The following ZMPSTE24 variants were observed in gnomAD, a reference collection of about 807,000 sequenced individuals.
The protein encoded by ZMPSTE24 is zinc metallopeptidase STE24, also known as CAAX prenyl protease 1 homolog.
ZMPSTE24 carries 48 observed loss-of-function variants against 56.7 expected under a neutral mutation model. The observed-to-expected ratio is 0.85, with a 90% confidence interval of 0.67 to 1.08. The LOEUF (loss-of-function observed/expected upper bound fraction) is 1.08, where lower values mean the gene tolerates loss of function less well. ZMPSTE24 is among the 50% of genes least tolerant of loss of function. The pLI is 0.00. For synonymous variants in ZMPSTE24, 172 were observed against 195.2 expected (o/e 0.88, Z 0.99); for missense variants, 503 against 548.7 (o/e 0.92, Z 0.83).
At chr1:40,274,165 G>A (rs1643646533) in intron 6 of ZMPSTE24, among the ~76,000 whole-genome samples, 1 of 152,194 alleles carries the variant, frequency 6.6e-6, no homozygotes, top group South Asian at 2.1e-4. Flanking sequence ...GGAGGCTGAG[G>A]TGGAAGGTCA....
In ZMPSTE24 at chr1:40,281,348, A is replaced by G; in HGVS notation, c.775A>G (p.Lys259Glu). Residue 259 changes from lysine (K) to glutamate (E), a missense_variant, in exon 7 of 10, where the codon AAA (lysine) becomes GAA (glutamate). Coordinates refer to ENST00000372759, the MANE Select transcript of ZMPSTE24 (RefSeq NM_005857.5). ...TTGAACTGTCTTTTCCTTAGGATCT[A>G]AACGCTCTTCCCACAGCAATGCTTA... ...LTKVYVVEGS[K>E]RSSHSNAYFY... 1 of 1,613,930 alleles carries G rather than the reference A, an allele frequency of 6.2e-7. No individual in the cohort carries two copies. Among genetic ancestry groups the G allele is most frequent in the Non-Finnish European group, 8.5e-7 (1 of 1,179,884 alleles).
chr1:40,292,721 G>A lies in ZMPSTE24; in HGVS notation c.*52G>A. On this transcript the variant is annotated 3_prime_UTR_variant, in exon 10 of 10. Transcript: ENST00000372759. Reference sequence around the variant, plus strand: ...ATTTCTGATTATTTCTGTCCTGGCAGCATGTTCCAGCTCTTGATGTTTTTA... The same window carrying A: ...ATTTCTGATTATTTCTGTCCTGGCAACATGTTCCAGCTCTTGATGTTTTTA... 1 of 1,548,814 alleles carries A rather than the reference G, an allele frequency of 6.5e-7. No individual in the cohort carries two copies. The highest frequency in any genetic ancestry group is 8.9e-7 in the Non-Finnish European group (1 of 1,122,686).
intron 7 of ZMPSTE24, among the ~76,000 whole-genome samples, chr1:40,284,092 T>A (rs1009083450): frequency 2.7e-5 from 4 of 146,070 alleles, no homozygotes; most frequent in African/African-American, 1.0e-4. Flanking sequence ...TGCACCAGCA[T>A]GCCCAGCTAA....
At chr1:40,259,846 G>A (rs1198319676) in intron 1 of ZMPSTE24, among the ~76,000 whole-genome samples, 2 of 151,856 alleles carry the variant, frequency 1.3e-5, no homozygotes, top group Non-Finnish European at 2.9e-5. Context: ...TCATCTTGCC[G>A]CCTCCACCTC....
intron 2 of ZMPSTE24, among the ~76,000 whole-genome samples, chr1:40,265,746 A>G (rs186188278): frequency 6.6e-6 from 1 of 152,290 alleles, no homozygotes; most frequent in East Asian, 1.9e-4. Flanking sequence ...ACTTTAGTGT[A>G]CATCAGGTTT....
chr1:40,273,534 AAAAATATATATATAT>A (rs1233410934), intron 6 of ZMPSTE24, among the ~76,000 whole-genome samples: 12 of 79,664 alleles, frequency 1.5e-4, no homozygotes, highest in African/African-American at 6.0e-4. Context: ...AAAAAAAAAA[AAAAATATATATATAT>A]ATATATATAT....
intron 5 of ZMPSTE24, among the ~76,000 whole-genome samples, chr1:40,271,178 C>T (rs1008271823): frequency 1.3e-5 from 2 of 152,168 alleles, no homozygotes; most frequent in African/African-American, 4.8e-5. Flanking sequence ...AGTCCTCCTG[C>T]CTTGGCCTCC....
chr1:40,292,518 G>A lies in ZMPSTE24; in HGVS notation c.1277G>A (p.Gly426Glu), dbSNP rs371030454. The stretch of plus-strand genomic sequence containing the variant: ...GCTGATGCATTTGCCAAGAAACTTG[G>A]GAAGGCTAAAGACTTATATTCTGCT... Reference protein sequence around the residue: ...FQADAFAKKLGKAKDLYSALI... With the variant: ...FQADAFAKKLEKAKDLYSALI... Residue 426 changes from glycine (G) to glutamate (E), a missense_variant, in exon 10 of 10, where the codon GGG becomes GAG. Transcript: ENST00000372759. 75 of 1,613,996 alleles carry A rather than the reference G, an allele frequency of 4.6e-5. No homozygotes were observed. Among genetic ancestry groups the A allele is most frequent in the Non-Finnish European group, 6.0e-5 (71 of 1,180,022 alleles).
At chr1:40,261,748 C>T (rs1030584430) in intron 2 of ZMPSTE24, among the ~76,000 whole-genome samples, 2 of 152,076 alleles carry the variant, frequency 1.3e-5, no homozygotes, top group African/African-American at 2.4e-5. Context: ...CTTGCTCTGT[C>T]GCCCAGGCTG....
chr1:40,273,328 G>T (rs1479920260), intron 6 of ZMPSTE24, among the ~76,000 whole-genome samples: 1 of 151,564 alleles, frequency 6.6e-6, no homozygotes, highest in Non-Finnish European at 1.5e-5. Context: ...GACCAGCCTG[G>T]CCAACATGGT....
intron 6 of ZMPSTE24, among the ~76,000 whole-genome samples, chr1:40,280,974 G>A (rs746994327): frequency 2.0e-5 from 3 of 152,084 alleles, no homozygotes; most frequent in African/African-American, 4.8e-5. Context: ...CCTGATATAC[G>A]TGAAGTTTTG....
In ZMPSTE24 at chr1:40,285,924, G is replaced by A. The variant is rs764861582; in HGVS notation, c.955-1G>A. On this transcript the variant is annotated splice_acceptor_variant, in intron 7 of 9. Coordinates refer to ENST00000372759, the MANE Select transcript of ZMPSTE24 (RefSeq NM_005857.5). LOFTEE classifies it high-confidence loss of function. ...TTTATTTTTGATTTTTTTTTATTCA[G>A]AATAAGAAACAAGGATGTAAAAATG... The A allele has an allele frequency of 2.4e-5, 39 of 1,611,366 alleles. No individual in the cohort carries two copies. The highest frequency in any genetic ancestry group is 3.2e-5 in the Non-Finnish European group (38 of 1,178,306).
chr1:40,270,183 G>A, intron 5 of ZMPSTE24, 56 bp downstream of exon 5: 2 of 1,578,310 alleles, frequency 1.3e-6, no homozygotes, highest in Non-Finnish European at 1.7e-6. Context: ...TGAGATTACT[G>A]TAATCTTCAT....
At chr1:40,283,251 C>T (rs1333613855) in intron 7 of ZMPSTE24, among the ~76,000 whole-genome samples, 1 of 152,180 alleles carries the variant, frequency 6.6e-6, no homozygotes, top group African/African-American at 2.4e-5. Context: ...TACCTGTAAT[C>T]CCAGCACTTT....
intron 2 of ZMPSTE24, among the ~76,000 whole-genome samples, chr1:40,264,637 A>G (rs75817137): frequency 6.6e-6 from 1 of 152,048 alleles, no homozygotes; most frequent in East Asian, 1.9e-4. Context: ...GCACTTCGAG[A>G]GGCTCAGGTG....
At chr1:40,261,891 A>G (rs1283583252) in intron 2 of ZMPSTE24, among the ~76,000 whole-genome samples, 3 of 152,100 alleles carry the variant, frequency 2.0e-5, no homozygotes, top group Admixed American at 1.3e-4. Flanking sequence ...TTGTATTTTT[A>G]GTAGAGACGG....
intron 6 of ZMPSTE24, among the ~76,000 whole-genome samples, chr1:40,278,546 A>C (rs979019593): frequency 8.9e-6 from 1 of 112,722 alleles, no homozygotes; most frequent in Non-Finnish European, 1.7e-5. Context: ...CGACAGAGTG[A>C]GACTCCGTCT....
At chr1:40,282,126 C>T (rs761121818) in intron 7 of ZMPSTE24, among the ~76,000 whole-genome samples, 2 of 152,152 alleles carry the variant, frequency 1.3e-5, no homozygotes, top group Non-Finnish European at 2.9e-5. Context: ...TCCTCTTAAG[C>T]TTACAGTCTA....
chr1:40,293,175 T>C lies in ZMPSTE24; in HGVS notation c.*506T>C, dbSNP rs1643860412. ...AGGTAATAGTTGGTAAGGCCAATGT[T>C]ATTTAAATGAAAGTAGTTAGAAAAA... On this transcript the variant is annotated 3_prime_UTR_variant, in exon 10 of 10. Transcript: ENST00000372759. 1 of 153,946 alleles carries C rather than the reference T, an allele frequency of 6.5e-6. No individual in the cohort carries two copies. Among genetic ancestry groups the C allele is most frequent in the African/African-American group, 2.4e-5 (1 of 41,420 alleles). The allele number at this position is 153,946 out of a possible 1,614,324, so 9.5% of individuals were successfully genotyped here.
Sources: gnomAD v4.1 joint callset for allele counts (sites outside exome capture counted in the v4.1 genomes callset) on GRCh38, gnomAD v4.1.1 for gene constraint, MANE v1.5 for transcripts, NCBI Gene and HGNC (gene_info 2026-07-23, HGNC 2026-07-21) for gene names.